CASR: variants seen among roughly 807,000 people sequenced by gnomAD.
The protein encoded by CASR is extracellular calcium-sensing receptor.
A neutral mutation model predicts 69.1 loss-of-function variants in CASR; 23 were observed. The observed-to-expected ratio is 0.33, with a 90% confidence interval of 0.24 to 0.47. CASR has a LOEUF of 0.47. Ranked by LOEUF, CASR falls within the 20% of genes least tolerant of loss-of-function variation. The pLI, the probability that CASR is intolerant of heterozygous loss-of-function variation, is 1.00. For synonymous variants in CASR, 541 were observed against 544.7 expected, an observed-to-expected ratio of 0.99 and a Z score of 0.10; for missense variants, 924 against 1,356.1, an observed-to-expected ratio of 0.68 and a Z score of 5.00.
chr3:122,262,454 C>T (rs2074640271), intron 4 of CASR, 42 bp downstream of exon 4: 1 of 1,574,372 alleles, frequency 6.4e-7, no homozygotes, highest in Non-Finnish European at 8.7e-7. Context: ...TATAATAAAG[C>T]AGAGTTGGGC....
chr3:122,252,120 C>A (rs2074489603), intron 1 of CASR, among the ~76,000 whole-genome samples: 1 of 151,756 alleles, frequency 6.6e-6, no homozygotes, highest in East Asian at 1.9e-4. Flanking sequence ...CAGAGTGAGA[C>A]CCATCTCTAT....
At chr3:122,236,097 C>G (rs1454201740) in intron 1 of CASR, among the ~76,000 whole-genome samples, 1 of 152,208 alleles carries the variant, frequency 6.6e-6, no homozygotes, top group Non-Finnish European at 1.5e-5. Flanking sequence ...ATAGGAGGCT[C>G]TTTTTACAGT....
At chr3:122,253,330 C>T (rs2074517914) in intron 1 of CASR, among the ~76,000 whole-genome samples, 1 of 152,220 alleles carries the variant, frequency 6.6e-6, no homozygotes, top group Admixed American at 6.5e-5. Context: ...CAACCTCCAC[C>T]TCCCAGATTC....
chr3:122,271,943 T>C (rs2074762816), intron 4 of CASR, among the ~76,000 whole-genome samples: 1 of 152,244 alleles, frequency 6.6e-6, no homozygotes, highest in Non-Finnish European at 1.5e-5. Flanking sequence ...AGTATCCCAT[T>C]GTGTGGATAT....
Position 122,275,944 on chromosome 3 carries a change from G to C in CASR, c.1510G>C (p.Val504Leu), listed in dbSNP as rs201536450. 1.2e-6 allele frequency: 2 copies of C among 1,614,082 alleles called. No individual in the cohort carries two copies. Among genetic ancestry groups the C allele is most frequent in the Non-Finnish European group, 1.7e-6 (2 of 1,179,906 alleles). ...CCTCTCCCCAGAGGATGGCTCCATC[G>C]TGTTTAAGGAAGTCGGGTATTACAA... ...WHLSPEDGSI[V>L]FKEVGYYNVY... is the part of the protein sequence containing the mutation. Residue 504 changes from valine to leucine, a missense_variant, in exon 5 of 7, where the codon GTG (valine) becomes CTG (leucine). Physicochemically the swap from Val to Leu is conservative, Grantham distance 32. This residue lies in a region of CASR where 310 missense variants were observed against 395.7 expected (regional missense o/e 0.78). Transcript: ENST00000639785.
In CASR at chr3:122,287,913, G is replaced by C. The variant is rs2074984000; in HGVS notation, c.*2722G>C. 6.6e-6 allele frequency: 1 copy of C among 152,246 alleles called. No individual in the cohort carries two copies. Among genetic ancestry groups the C allele is most frequent in the Non-Finnish European group, 1.5e-5 (1 of 68,066 alleles). The allele number at this position is 152,246 out of a possible 1,614,324, so 9.4% of individuals were successfully genotyped here. On this transcript the variant is annotated 3_prime_UTR_variant, in exon 7 of 7. Coordinates refer to ENST00000639785, the MANE Select transcript of CASR (RefSeq NM_000388.4). The stretch of plus-strand genomic sequence containing the variant: ...TATGGAGGCTAACAAAGCTTCCAGG[G>C]TACCAGAGAAGAAACAGGGTACATG...
rs78207808 is a variant in CASR, at chr3:122,273,870, A to T, written c.1378-1942A>T. The stretch of plus-strand genomic sequence containing the variant: ...GAAAAGGATGTGTTGGGGTAGAGAC[A>T]AAAGGATGTACACCACTCTGGGTAG... On this transcript the variant is annotated intron_variant, in intron 4 of 6. Transcript: ENST00000639785. Among the ~76,000 whole-genome samples, 1,494 of 152,314 alleles carry T rather than the reference A, an allele frequency of 9.8e-3. 17 individuals are homozygous for T. The highest frequency in any genetic ancestry group is 0.015 in the Non-Finnish European group (1,009 of 68,014).
At chr3:122,245,613 A>G (rs1296613017) in intron 1 of CASR, among the ~76,000 whole-genome samples, 2 of 152,140 alleles carry the variant, frequency 1.3e-5, no homozygotes, top group African/African-American at 2.4e-5. Flanking sequence ...GTGCCAATGT[A>G]CCCTAGAACT....
At chr3:122,185,304 T>C (rs1328173135) in intron 1 of CASR, among the ~76,000 whole-genome samples, 1 of 152,208 alleles carries the variant, frequency 6.6e-6, no homozygotes, top group Non-Finnish European at 1.5e-5. Context: ...TTTGATTCTT[T>C]ATCCAGAAAA....
At chr3:122,221,269 C>A (rs1576830787) in intron 1 of CASR, among the ~76,000 whole-genome samples, 2 of 152,280 alleles carry the variant, frequency 1.3e-5, no homozygotes, top group South Asian at 4.2e-4. Context: ...GATTACCATT[C>A]ATTTTCTTTT....
At position 122,245,701 on chromosome 3, in the gene CASR, G is replaced by GT. The variant is rs1192946456; in HGVS notation, c.-242-8241dup. 3.9e-5 allele frequency among the ~76,000 whole-genome samples: 6 copies of GT among 152,216 alleles called. No homozygotes were observed. The East Asian group carries it at 1.2e-3, about 29-fold the overall frequency. On this transcript the variant is annotated intron_variant, in intron 1 of 6. Coordinates refer to ENST00000639785, the MANE Select transcript of CASR (RefSeq NM_000388.4). ...AACCCACCGGTAGGTTACTATGGGT[G>GT]TTTTTTGTTTTAGGTGGTAGATTAA... is the stretch of plus-strand genomic sequence containing the variant.
At chr3:122,188,976 TTTA>T (rs1220664961) in intron 1 of CASR, among the ~76,000 whole-genome samples, 3 of 152,182 alleles carry the variant, frequency 2.0e-5, no homozygotes, top group Admixed American at 6.5e-5. Flanking sequence ...TGCCGAGAGC[TTTA>T]TTACTGTTTC....
Position 122,209,397 on chromosome 3 carries a change from A to G in CASR, c.-243+25585A>G, listed in dbSNP as rs541109946. ...TTCACACTGCTGATAAAGATGGGCA[A>G]TTTACAAAAGAAAGAGGTTTAATTG... On this transcript the variant is annotated intron_variant, in intron 1 of 6. Coordinates refer to ENST00000639785, the MANE Select transcript of CASR (RefSeq NM_000388.4). Among the ~76,000 whole-genome samples the G allele has an allele frequency of 3.3e-5, 5 of 152,306 alleles. No individual in the cohort carries two copies. The South Asian group carries it at 8.3e-4, about 25-fold the overall frequency.
chr3:122,256,360 C>G (rs1039898174), intron 2 of CASR, among the ~76,000 whole-genome samples: 3 of 152,262 alleles, frequency 2.0e-5, no homozygotes, highest in Non-Finnish European at 2.9e-5. Flanking sequence ...TTTCCTGGTC[C>G]TTTTCTTGTA....
chr3:122,193,226 G>A (rs1402720339), intron 1 of CASR, among the ~76,000 whole-genome samples: 3 of 143,132 alleles, frequency 2.1e-5, no homozygotes, highest in Non-Finnish European at 4.6e-5. Flanking sequence ...TTGTTTGTTT[G>A]TTTGTTTTTT....
intron 1 of CASR, among the ~76,000 whole-genome samples, chr3:122,184,748 G>A (rs1384437554): frequency 1.3e-5 from 2 of 152,240 alleles, no homozygotes; most frequent in Non-Finnish European, 2.9e-5. Context: ...AGTGCCCCTA[G>A]AAGGGGCAGC....
chr3:122,280,028 T>C (rs2074868844), intron 5 of CASR, among the ~76,000 whole-genome samples: 1 of 152,134 alleles, frequency 6.6e-6, no homozygotes, highest in Non-Finnish European at 1.5e-5. Context: ...CAGCTCCCAC[T>C]TATAAGTGGG....
At chr3:122,278,109 A>G (rs2107645373) in intron 5 of CASR, among the ~76,000 whole-genome samples, 1 of 146,424 alleles carries the variant, frequency 6.8e-6, no homozygotes, top group Non-Finnish European at 1.5e-5. Context: ...TTCCCTATGT[A>G]TTTCACAAAG....
chr3:122,216,154 G>A (rs1161444089), intron 1 of CASR, among the ~76,000 whole-genome samples: 1 of 152,206 alleles, frequency 6.6e-6, no homozygotes, highest in African/African-American at 2.4e-5. Flanking sequence ...CTTGTTTCTT[G>A]ATGGGTACAC....
Sources: allele counts gnomAD v4.1 joint callset (sites outside exome capture counted in the v4.1 genomes callset), GRCh38; gene constraint gnomAD v4.1.1; regional missense constraint gnomAD v4.1.1; transcripts MANE v1.5; gene names NCBI Gene and HGNC (gene_info 2026-07-23, HGNC 2026-07-21).